DTD1: variants seen among roughly 807,000 people sequenced by gnomAD.
DTD1 encodes the protein D-aminoacyl-tRNA deacylase 1.
In DTD1, 13 loss-of-function variants were observed where a neutral mutation model predicts 25.6. The observed-to-expected ratio is 0.51, with a 90% CI of 0.33 to 0.81. The LOEUF is 0.81. DTD1 is among the 30% of genes least tolerant of loss of function. DTD1 has a pLI of 0.02. For synonymous variants in DTD1, 110 were observed against 103.6 expected, an observed-to-expected ratio of 1.06 and a Z score of -0.37; for missense variants, 193 against 266.4, an observed-to-expected ratio of 0.72 and a Z score of 1.92.
At chr20:18,682,909 G>A (rs556821073) in intron 4 of DTD1, among the ~76,000 whole-genome samples, 1 of 152,268 alleles carries the variant, frequency 6.6e-6, no homozygotes, top group East Asian at 1.9e-4. Context: ...CTGACCATGT[G>A]GCAAGCCATG....
chr20:18,676,590 C>A (rs914482362), intron 4 of DTD1, among the ~76,000 whole-genome samples: 3 of 152,148 alleles, frequency 2.0e-5, no homozygotes, highest in African/African-American at 7.2e-5. Context: ...TATGTTTGAA[C>A]CTTCATTTGT....
chr20:18,642,001 A>C (rs575237889), intron 4 of DTD1, among the ~76,000 whole-genome samples: 8 of 152,294 alleles, frequency 5.3e-5, no homozygotes, highest in African/African-American at 1.9e-4. Flanking sequence ...TTTAGCTTTT[A>C]CATTTAGATA....
At chr20:18,723,220 C>G in intron 4 of DTD1, among the ~76,000 whole-genome samples, 1 of 152,280 alleles carries the variant, frequency 6.6e-6, no homozygotes, top group South Asian at 2.1e-4. Context: ...CTGTGGCAAC[C>G]AAAAATATCT....
intron 4 of DTD1, among the ~76,000 whole-genome samples, chr20:18,721,860 C>T (rs2061204741): frequency 7.4e-6 from 1 of 134,900 alleles, no homozygotes; most frequent in South Asian, 2.6e-4. Flanking sequence ...TCCTTCAGCT[C>T]CAGCCCTGCG....
At chr20:18,659,501 C>T (rs1036443191) in intron 4 of DTD1, among the ~76,000 whole-genome samples, 1 of 152,192 alleles carries the variant, frequency 6.6e-6, no homozygotes, top group Non-Finnish European at 1.5e-5. Flanking sequence ...CTTTTAATGT[C>T]ATGCTCAGGT....
intron 4 of DTD1, among the ~76,000 whole-genome samples, chr20:18,652,887 A>G (rs2060879269): frequency 6.6e-6 from 1 of 152,192 alleles, no homozygotes; most frequent in Non-Finnish European, 1.5e-5. Context: ...CTGAATTTAG[A>G]ACAGAATGAT....
At position 18,744,198 on chromosome 20, in the gene DTD1, C is replaced by A. The variant is rs1217258268; in HGVS notation, c.576C>A (p.Asp192Glu). ...AAAGAAACACTCCCCGAAAAGAAGA[C>A]CGCAGTGCCAGCAGCGGGGCTGAGG... ...SKERNTPRKE[D>E]RSASSGAEGD... The change falls in exon 5 of 6, where the codon GAC (aspartate) becomes GAA (glutamate). Residue 192 changes from aspartate to glutamate, a missense_variant. Asp to Glu is a conservative substitution (Grantham distance 45). Coordinates refer to ENST00000377452, the MANE Select transcript of DTD1 (RefSeq NM_080820.6). The A allele has an allele frequency of 1.2e-6, 2 of 1,612,304 alleles. No individual in the cohort carries two copies. Among genetic ancestry groups the A allele is most frequent in the Admixed American group, 1.7e-5 (1 of 60,034 alleles).
chr20:18,727,144 G>A (rs944544946), intron 4 of DTD1, among the ~76,000 whole-genome samples: 1 of 152,244 alleles, frequency 6.6e-6, no homozygotes, highest in Admixed American at 6.5e-5. Context: ...GGAGGCCTGG[G>A]CAGGGCCCAT....
intron 4 of DTD1, among the ~76,000 whole-genome samples, chr20:18,664,577 G>A (rs1198013704): frequency 6.6e-6 from 1 of 152,164 alleles, no homozygotes; most frequent in East Asian, 1.9e-4. Flanking sequence ...GTGTGGTGGT[G>A]GCCAGGGGTG....
At chr20:18,676,332 A>G (rs1054679085) in intron 4 of DTD1, among the ~76,000 whole-genome samples, 2 of 152,172 alleles carry the variant, frequency 1.3e-5, no homozygotes, top group South Asian at 2.1e-4. Context: ...ATGTTTGCCA[A>G]TTTGGTAGAA....
At chr20:18,670,743 G>A (rs2060948929) in intron 4 of DTD1, among the ~76,000 whole-genome samples, 1 of 152,220 alleles carries the variant, frequency 6.6e-6, no homozygotes, top group Admixed American at 6.5e-5. Flanking sequence ...ATTGGTTCAT[G>A]AGAGGCTAAG....
intron 4 of DTD1, among the ~76,000 whole-genome samples, chr20:18,724,382 G>C (rs2061216167): frequency 6.6e-6 from 1 of 152,164 alleles, no homozygotes; most frequent in African/African-American, 2.4e-5. Flanking sequence ...TGTGTGACTT[G>C]GGGAGAGGGG....
chr20:18,600,436 T>C (rs1332316006), intron 3 of DTD1, among the ~76,000 whole-genome samples: 1 of 152,240 alleles, frequency 6.6e-6, no homozygotes, highest in Non-Finnish European at 1.5e-5. Context: ...AATTCTGGGC[T>C]CTCTGTTCTG....
At chr20:18,688,642 C>T (rs767008305) in intron 4 of DTD1, among the ~76,000 whole-genome samples, 4 of 152,026 alleles carry the variant, frequency 2.6e-5, no homozygotes, top group Non-Finnish European at 4.4e-5. Context: ...GGTCCCTTGC[C>T]GGGAACGACC....
At chr20:18,601,265 C>T (rs1035324856) in intron 3 of DTD1, among the ~76,000 whole-genome samples, 63 of 152,046 alleles carry the variant, frequency 4.1e-4, no homozygotes, top group African/African-American at 1.4e-3. Context: ...TTTGGGAAGC[C>T]GAGGAGGTCA....
intron 3 of DTD1, among the ~76,000 whole-genome samples, chr20:18,608,153 A>G (rs1456686261): frequency 2.0e-5 from 3 of 151,882 alleles, no homozygotes; most frequent in African/African-American, 7.3e-5. Flanking sequence ...AGATTTGTGG[A>G]TATAGAGTTG....
intron 3 of DTD1, among the ~76,000 whole-genome samples, chr20:18,616,638 A>G (rs1291478715): frequency 1.3e-5 from 2 of 152,090 alleles, no homozygotes; most frequent in Non-Finnish European, 2.9e-5. Flanking sequence ...GAAAAGAAAA[A>G]AAGAAAAAAA....
chr20:18,722,102 C>T (rs963268422), intron 4 of DTD1, among the ~76,000 whole-genome samples: 1 of 152,250 alleles, frequency 6.6e-6, no homozygotes, highest in Non-Finnish European at 1.5e-5. Flanking sequence ...TCAGGCCCAT[C>T]TGATTTCGTG....
rs1422112110 is a variant in DTD1, at chr20:18,751,869, G to GTTT, written c.*19+7600_*19+7601insTTT. 6.7e-5 allele frequency among the ~76,000 whole-genome samples: 10 copies of GTTT among 149,060 alleles called. No individual in the cohort carries two copies. In the East Asian group the frequency reaches 9.9e-4, roughly 15 times the overall value. On this transcript the variant is annotated intron_variant, in intron 5 of 5. Coordinates refer to ENST00000377452, the MANE Select transcript of DTD1 (RefSeq NM_080820.6). ...TTTTTTTTTTGTTGTTGTTGTTGTT[G>GTTT]TTGTTTTAATTTGCCTTTCTTTAAA...
Sources: allele counts gnomAD v4.1 joint callset (sites outside exome capture counted in the v4.1 genomes callset), GRCh38; gene constraint gnomAD v4.1.1; transcripts MANE v1.5; gene names NCBI Gene and HGNC (gene_info 2026-07-23, HGNC 2026-07-21).